The following MRPL39 variants were observed in gnomAD, a reference collection of about 807,000 sequenced individuals.
MRPL39 encodes mitochondrial ribosomal protein L39, also known as large ribosomal subunit protein mL39.
A neutral mutation model predicts 44.5 loss-of-function variants in MRPL39; 35 were observed. The ratio of observed to expected loss-of-function variants is 0.79; its 90% CI spans 0.60 to 1.04. The LOEUF (loss-of-function observed/expected upper bound fraction) is 1.04, where lower values mean the gene tolerates loss of function less well. Among genes scored for constraint, MRPL39 ranks in the 50% least tolerant of loss-of-function variants. The pLI is 0.00. For missense variants in MRPL39, 433 were observed against 413.5 expected, an observed-to-expected ratio of 1.05 and a Z score of -0.41; for synonymous variants, 139 against 136.1, an observed-to-expected ratio of 1.02 and a Z score of -0.15.
chr21:25,592,900 T>A lies in MRPL39; in HGVS notation c.833A>T (p.Tyr278Phe), dbSNP rs373302792. 15 of 1,612,522 alleles carry A rather than the reference T, an allele frequency of 9.3e-6. No individual in the cohort carries two copies. The highest frequency in any genetic ancestry group is 1.3e-5 in the Non-Finnish European group (15 of 1,178,690). ...LIPRTSICFQ[Y>F]EVSAVHNLQP... Reference sequence around the variant, plus strand: ...AAGATTGTGAACTGCTGATACTTCATACTGGAAACAAATACTTGTTCTTGG... The same window carrying A: ...AAGATTGTGAACTGCTGATACTTCAAACTGGAAACAAATACTTGTTCTTGG... Residue 278 changes from tyrosine to phenylalanine, a missense_variant, in exon 8 of 10, where the codon TAT becomes TTT. Coordinates refer to ENST00000352957, the MANE Select transcript of MRPL39 (RefSeq NM_017446.4).
chr21:25,598,719 A>G (rs934095641), intron 5 of MRPL39, among the ~76,000 whole-genome samples: 10 of 151,564 alleles, frequency 6.6e-5, no homozygotes, highest in African/African-American at 2.4e-4. Context: ...CCCTCTCAAT[A>G]TTATGTAATA....
At chr21:25,587,707 ACTGTTC>A in intron 9 of MRPL39, 1 of 1,599,576 alleles carries the variant, frequency 6.3e-7, no homozygotes, top group Non-Finnish European at 8.6e-7. Flanking sequence ...TTACTCTGAG[ACTGTTC>A]CATGGAGGAG....
chr21:25,599,550 C>G (rs941115030), intron 5 of MRPL39, among the ~76,000 whole-genome samples: 1 of 152,140 alleles, frequency 6.6e-6, no homozygotes, highest in African/African-American at 2.4e-5. Context: ...CATAAAGTTT[C>G]AAGACAACTG....
chr21:25,587,240 T>G (rs1260818724), intron 9 of MRPL39, among the ~76,000 whole-genome samples: 1 of 152,254 alleles, frequency 6.6e-6, no homozygotes, highest in Non-Finnish European at 1.5e-5. Flanking sequence ...TTTAATATTC[T>G]TTAGCTTTTT....
Position 25,588,881 on chromosome 21 carries a change from G to C in MRPL39, c.923C>G (p.Ala308Gly). 1 of 1,612,320 alleles carries C rather than the reference G, an allele frequency of 6.2e-7. No homozygotes were observed. The highest frequency in any genetic ancestry group is 8.5e-7 in the Non-Finnish European group (1 of 1,178,984). The change falls in exon 9 of 10, where the codon GCA (alanine) becomes GGA (glycine). Residue 308 changes from alanine to glycine, a missense_variant and splice_region_variant. Transcript: ENST00000352957. ...QGVSLPVHLR[A>G]HFTIWDKLLE... The stretch of plus-strand genomic sequence containing the variant: ...TAGCTTATCCCATATTGTAAAATGT[G>C]CCTTGAAAAGAAAAGATTTGCGATG...
Position 25,603,859 on chromosome 21 carries a change from T to G in MRPL39, c.357A>C (p.Leu119Phe), listed in dbSNP as rs2031589381. 1 of 1,612,792 alleles carries G rather than the reference T, an allele frequency of 6.2e-7. No individual in the cohort carries two copies. The highest frequency in any genetic ancestry group is 8.5e-7 in the Non-Finnish European group (1 of 1,179,264). The change falls in exon 3 of 10, where the codon TTA becomes TTC. Residue 119 changes from leucine (L) to phenylalanine (F), a missense_variant. Leu to Phe is a conservative substitution (Grantham distance 22). Coordinates refer to ENST00000352957, the MANE Select transcript of MRPL39 (RefSeq NM_017446.4). Reference sequence around the variant, plus strand: ...GAAATTTAATTTCACAGGACTTTGTTAAAGGCTTATACATGTCCCAAGGCT... The same window carrying G: ...GAAATTTAATTTCACAGGACTTTGTGAAAGGCTTATACATGTCCCAAGGCT... ...DGQPWDMYKPLTKSCEIKFLT... is the reference protein window; with the variant it reads ...DGQPWDMYKPFTKSCEIKFLT...
Position 25,588,880 on chromosome 21 carries a change from T to A in MRPL39, c.924A>T (p.Ala308=). 1 of 1,612,778 alleles carries A rather than the reference T, an allele frequency of 6.2e-7. No homozygotes were observed. Among genetic ancestry groups the A allele is most frequent in the South Asian group, 1.1e-5 (1 of 90,904 alleles). Residue 308 remains alanine, a splice_region_variant and synonymous_variant, in exon 9 of 10, where the codon GCA becomes GCT. Transcript: ENST00000352957. ...ATAGCTTATCCCATATTGTAAAATG[T>A]GCCTTGAAAAGAAAAGATTTGCGAT... ...QGVSLPVHLR[A]HFTIWDKLLE...
intron 8 of MRPL39, among the ~76,000 whole-genome samples, chr21:25,589,977 T>C (rs1054354087): frequency 9.9e-5 from 15 of 152,174 alleles, no homozygotes; most frequent in African/African-American, 3.4e-4. Flanking sequence ...GAGTTGGGAT[T>C]TGTTCAAGGG....
At chr21:25,602,510 A>AT (rs371877062) in intron 3 of MRPL39, among the ~76,000 whole-genome samples, 112 of 152,258 alleles carry the variant, frequency 7.4e-4, no homozygotes, top group African/African-American at 2.7e-3. Flanking sequence ...CATTTCTATC[A>AT]TTTTCTTGTT....
At chr21:25,594,478 G>A (rs1411284899) in intron 6 of MRPL39, among the ~76,000 whole-genome samples, 3 of 151,542 alleles carry the variant, frequency 2.0e-5, no homozygotes, top group Non-Finnish European at 4.4e-5. Flanking sequence ...AACTCCTGGT[G>A]TCAAGCAATC....
intron 9 of MRPL39, among the ~76,000 whole-genome samples, chr21:25,586,022 G>A (rs139596340): frequency 3.3e-5 from 5 of 152,246 alleles, no homozygotes; most frequent in African/African-American, 4.8e-5. Context: ...CTTTTCAGCC[G>A]TAAAACAAAA....
chr21:25,599,657 G>GATAC, intron 5 of MRPL39, 142 bp downstream of exon 5: 1 of 656,680 alleles, frequency 1.5e-6, no homozygotes, highest in Non-Finnish European at 2.5e-6. Flanking sequence ...CAGACAGACA[G>GATAC]ATACATAGAT....
chr21:25,594,096 C>T (rs1601373826), intron 6 of MRPL39, 138 bp from the exon 7 acceptor site: 1 of 684,252 alleles, frequency 1.5e-6, no homozygotes, highest in East Asian at 2.7e-5. Flanking sequence ...TTAATCTGGC[C>T]ACAGCCCCAT....
intron 2 of MRPL39, among the ~76,000 whole-genome samples, chr21:25,605,863 G>C (rs367785828): frequency 5.3e-5 from 8 of 152,152 alleles, no homozygotes; most frequent in African/African-American, 1.9e-4. Flanking sequence ...TGGGAGCAGG[G>C]CCAGACCCTC....
rs1601381567 is a variant in MRPL39 at position 25,601,577 on chromosome 21, T to G, written c.421-110A>C. 2.2e-5 allele frequency: 14 copies of G among 645,320 alleles called. No individual in the cohort carries two copies. The Middle Eastern group carries it at 1.4e-3, about 67-fold the overall frequency. 40.0% of individuals were successfully genotyped at this position (645,320 alleles called of 1,614,324 possible). A position where few individuals can be genotyped will look rare whatever the true frequency, so the allele number is the denominator to read the frequency against. ...CTTCTGACTTAGAAAATATTTCTCA[T>G]ATATCTCTGTTCACACAATGTAGCA... is the stretch of plus-strand genomic sequence containing the variant. On this transcript the variant is annotated intron_variant, in intron 3 of 9. Transcript: ENST00000352957.
chr21:25,601,503 A>T, intron 3 of MRPL39, 36 bp from the exon 4 acceptor site: 2 of 1,323,376 alleles, frequency 1.5e-6, no homozygotes, highest in Non-Finnish European at 2.1e-6. Context: ...AATATATATA[A>T]ACACACTGAG....
intron 3 of MRPL39, among the ~76,000 whole-genome samples, chr21:25,602,483 T>C (rs1309269690): frequency 2.0e-5 from 3 of 152,244 alleles, no homozygotes; most frequent in African/African-American, 7.2e-5. Flanking sequence ...TACATACTCA[T>C]TGTTGGCTAT....
At chr21:25,601,318 A>T (rs759337180) in intron 4 of MRPL39, 50 bp downstream of exon 4, 2 of 1,215,622 alleles carry the variant, frequency 1.6e-6, no homozygotes, top group Non-Finnish European at 2.4e-6. Context: ...CATCAAAAAT[A>T]GGTACCAAAA....
intron 2 of MRPL39, among the ~76,000 whole-genome samples, 186 bp downstream of exon 2, chr21:25,606,263 T>C (rs1456471762): frequency 6.6e-6 from 1 of 152,156 alleles, no homozygotes; most frequent in East Asian, 1.9e-4. Context: ...TTGCTTGCTC[T>C]TTTTAGCTAG....
Sources: gnomAD v4.1 joint callset for allele counts (sites outside exome capture counted in the v4.1 genomes callset) on GRCh38, gnomAD v4.1.1 for gene constraint, MANE v1.5 for transcripts, NCBI Gene and HGNC (gene_info 2026-07-23, HGNC 2026-07-21) for gene names.